The following ZNF423 variants were observed in gnomAD, a reference collection of about 807,000 sequenced individuals.
The protein encoded by ZNF423 is Ebf-associated zinc finger protein.
Under a neutral mutation model 95.8 loss-of-function variants are expected in ZNF423, and 12 were observed. That is an observed-to-expected ratio of 0.13 (90% CI 0.08 to 0.20). The LOEUF (loss-of-function observed/expected upper bound fraction) is 0.20. ZNF423 is among the 10% of genes least tolerant of loss of function. The pLI is 1.00. For missense variants in ZNF423, 1,316 were observed against 1,737.1 expected, an observed-to-expected ratio of 0.76 and a Z score of 4.31; for synonymous variants, 749 against 711.9, an observed-to-expected ratio of 1.05 and a Z score of -0.83.
At chr16:49,691,483 A>C (rs914780461) in intron 3 of ZNF423, among the ~76,000 whole-genome samples, 1 of 152,232 alleles carries the variant, frequency 6.6e-6, no homozygotes, top group African/African-American at 2.4e-5. Context: ...CTGTAATCCC[A>C]GCACTCTGGG....
chr16:49,695,177 G>A (rs1422726395), intron 3 of ZNF423, among the ~76,000 whole-genome samples: 2 of 152,166 alleles, frequency 1.3e-5, no homozygotes, highest in Non-Finnish European at 2.9e-5. Flanking sequence ...GCGGTGGCGC[G>A]ATCTGGGCTC....
intron 1 of ZNF423, among the ~76,000 whole-genome samples, chr16:49,790,634 G>A (rs1329002963): frequency 1.3e-5 from 2 of 152,246 alleles, no homozygotes; most frequent in African/African-American, 4.8e-5. Context: ...CACGCAGGCA[G>A]CCACCTTGCG....
At chr16:49,793,214 TA>T (rs5816658) in intron 1 of ZNF423, among the ~76,000 whole-genome samples, 86,093 of 151,494 alleles carry the variant, frequency 0.57, 24,518 homozygotes, top group Middle Eastern at 0.62. Context: ...ATGGCATCAC[TA>T]AGCAGGGGCA....
upstream of ZNF423, among the ~76,000 whole-genome samples, chr16:49,858,856 C>T (rs569626278): frequency 2.6e-5 from 4 of 152,176 alleles, no homozygotes; most frequent in Non-Finnish European, 4.4e-5. The surrounding 1 kb of genome is among the most constrained non-coding windows in gnomAD (Gnocchi z 4.3). Context: ...GCCGCTCCCC[C>T]ACCCCCGCCG....
At chr16:49,739,544 G>C (rs536797871) in intron 2 of ZNF423, among the ~76,000 whole-genome samples, 5 of 152,216 alleles carry the variant, frequency 3.3e-5, no homozygotes, top group Admixed American at 1.3e-4. Flanking sequence ...CACCTCCTCC[G>C]TGAAGGGGTG....
chr16:49,811,448 A>C (rs961853845), intron 1 of ZNF423, among the ~76,000 whole-genome samples: 1 of 152,116 alleles, frequency 6.6e-6, no homozygotes, highest in Non-Finnish European at 1.5e-5. Flanking sequence ...CCACGCTGCC[A>C]CCCAGAGTGT....
intron 2 of ZNF423, among the ~76,000 whole-genome samples, chr16:49,774,108 G>A (rs1199146735): frequency 6.6e-6 from 1 of 152,234 alleles, no homozygotes; most frequent in Non-Finnish European, 1.5e-5. Flanking sequence ...TGAGTCCTAC[G>A]CAGCTCTTTC....
chr16:49,778,324 C>A (rs183660078), intron 2 of ZNF423, among the ~76,000 whole-genome samples: 41 of 152,338 alleles, frequency 2.7e-4, no homozygotes, highest in African/African-American at 9.4e-4. Context: ...TTGACCATAT[C>A]CAACCCAGGA....
chr16:49,496,773 G>A (rs1395615594), intron 7 of ZNF423, among the ~76,000 whole-genome samples: 1 of 152,162 alleles, frequency 6.6e-6, no homozygotes, highest in Non-Finnish European at 1.5e-5. Context: ...ACCCAGCAGG[G>A]TGCTCTGTGG....
At chr16:49,565,619 C>T (rs995449225) in intron 5 of ZNF423, among the ~76,000 whole-genome samples, 10 of 152,286 alleles carry the variant, frequency 6.6e-5, no homozygotes, top group East Asian at 1.9e-4. Flanking sequence ...GGCAACACCA[C>T]CTGATTCTCA....
chr16:49,831,596 A>T lies in ZNF423; in HGVS notation c.40+24139T>A, dbSNP rs111671041. Among the ~76,000 whole-genome samples, 675 of 152,338 alleles carry T rather than the reference A, an allele frequency of 4.4e-3. 6 individuals are homozygous for T. Among genetic ancestry groups the T allele is most frequent in the African/African-American group, 0.016 (646 of 41,576 alleles). On this transcript the variant is annotated intron_variant, in intron 1 of 7. Coordinates refer to ENST00000563137, the MANE Select transcript of ZNF423 (RefSeq NM_001379286.1). Reference sequence around the variant, plus strand: ...TCCCAGTGACTTCCCAAGGCAGTCCATGATGAAGGCCTGGAAGCACAAAGG... The same window carrying T: ...TCCCAGTGACTTCCCAAGGCAGTCCTTGATGAAGGCCTGGAAGCACAAAGG...
intron 7 of ZNF423, among the ~76,000 whole-genome samples, chr16:49,518,780 G>T (rs934132369): frequency 3.9e-5 from 6 of 152,188 alleles, no homozygotes; most frequent in African/African-American, 1.2e-4. Flanking sequence ...TGGCACCAGG[G>T]ACAGTGGCTC....
At chr16:49,528,611 C>T (rs1035714665) in intron 5 of ZNF423, among the ~76,000 whole-genome samples, 3 of 152,254 alleles carry the variant, frequency 2.0e-5, no homozygotes, top group East Asian at 1.9e-4. Context: ...GAAGGGTTCC[C>T]GCAGAGCTGG....
chr16:49,614,713 A>G (rs916676063), intron 5 of ZNF423, among the ~76,000 whole-genome samples: 28 of 152,230 alleles, frequency 1.8e-4, no homozygotes, highest in Admixed American at 5.9e-4. Context: ...AACTGGGTAA[A>G]GTGTACAGAG....
chr16:49,520,946 C>T (rs190296912), intron 7 of ZNF423, among the ~76,000 whole-genome samples: 3 of 152,324 alleles, frequency 2.0e-5, no homozygotes, highest in African/African-American at 7.2e-5. Flanking sequence ...AATAGTGACT[C>T]GTTAAGGCTG....
chr16:49,672,467 G>A (rs539304630), intron 3 of ZNF423, among the ~76,000 whole-genome samples: 1 of 141,654 alleles, frequency 7.1e-6, no homozygotes, highest in East Asian at 2.2e-4. Context: ...TGGAGGGTCT[G>A]CACTCTCCAT....
intron 3 of ZNF423, among the ~76,000 whole-genome samples, chr16:49,663,759 G>A (rs1427829823): frequency 6.6e-6 from 1 of 152,120 alleles, no homozygotes; most frequent in African/African-American, 2.4e-5. Context: ...GGGAAGGACA[G>A]GAGAGAGGCA....
intron 2 of ZNF423, among the ~76,000 whole-genome samples, chr16:49,754,342 C>G (rs2033686624): frequency 6.6e-6 from 1 of 152,230 alleles, no homozygotes; most frequent in Admixed American, 6.5e-5. Flanking sequence ...ATGCCTAGCA[C>G]AGTGCCTGGT....
intron 7 of ZNF423, among the ~76,000 whole-genome samples, chr16:49,520,264 C>T (rs184854425): frequency 3.1e-4 from 47 of 152,316 alleles, no homozygotes; most frequent in Admixed American, 1.0e-3. Context: ...TCTCATGTTC[C>T]TAATTATTCG....
Sources: gnomAD v4.1 joint callset for allele counts (sites outside exome capture counted in the v4.1 genomes callset) on GRCh38, gnomAD v4.1.1 for gene constraint, Gnocchi (gnomAD v3.1) non-coding constraint, MANE v1.5 for transcripts, NCBI Gene and HGNC (gene_info 2026-07-23, HGNC 2026-07-21) for gene names.